Variants in BRD4 observed in about 807,000 individuals in gnomAD.
The protein encoded by BRD4 is bromodomain-containing protein 4.
In BRD4, 16 loss-of-function variants were observed where a neutral mutation model predicts 142.1. The ratio of observed to expected loss-of-function variants is 0.11; its 90% CI spans 0.08 to 0.17. BRD4 has a LOEUF of 0.17. BRD4 is among the 10% of genes least tolerant of loss of function. The pLI is 1.00. For synonymous variants in BRD4, 833 were observed against 707.5 expected, an observed-to-expected ratio of 1.18 and a Z score of -2.82; for missense variants, 1,424 against 1,810.9, an observed-to-expected ratio of 0.79 and a Z score of 3.88.
At chr19:15,269,661 T>C (rs1201892807) in intron 2 of BRD4, among the ~76,000 whole-genome samples, 4 of 152,332 alleles carry the variant, frequency 2.6e-5, no homozygotes, top group African/African-American at 9.6e-5. Context: ...TACTGCTGAC[T>C]GACCAGGTTA....
At chr19:15,312,923 G>A (rs527978120) in intron 1 of BRD4, among the ~76,000 whole-genome samples, 55 of 151,886 alleles carry the variant, frequency 3.6e-4, no homozygotes, top group Non-Finnish European at 6.0e-4. Context: ...GTGACAGAGC[G>A]AGACTCTCAA....
chr19:15,298,849 A>C (rs1456980332), intron 1 of BRD4, among the ~76,000 whole-genome samples: 1 of 152,128 alleles, frequency 6.6e-6, no homozygotes, highest in Non-Finnish European at 1.5e-5. Context: ...TAAGACCCAA[A>C]GAAAGAAAAC....
At chr19:15,320,650 C>T (rs1176226029) in intron 1 of BRD4, among the ~76,000 whole-genome samples, 2 of 152,210 alleles carry the variant, frequency 1.3e-5, no homozygotes, top group Non-Finnish European at 2.9e-5. Flanking sequence ...GGGCTGTTTT[C>T]CCGCCAAACT....
At chr19:15,282,708 C>G (rs1422835567) in intron 1 of BRD4, among the ~76,000 whole-genome samples, 1 of 152,212 alleles carries the variant, frequency 6.6e-6, no homozygotes, top group Non-Finnish European at 1.5e-5. Context: ...TCCTTTAAAG[C>G]CATTTCCCCA....
At position 15,327,618 on chromosome 19, in the gene BRD4, AAAC is replaced by A. The variant is rs879509683; in HGVS notation, c.-35+4669_-35+4671del. ...ACTATTCACAATTGCCAAAAAGTGA[AAAC>A]AACCCAAATGTTCACCACTAATGAA... On this transcript the variant is annotated intron_variant, in intron 1 of 19. Transcript: ENST00000679869. 3.7e-3 allele frequency among the ~76,000 whole-genome samples: 571 copies of A among 152,322 alleles called. 4 individuals are homozygous for A. Among genetic ancestry groups the A allele is most frequent in the African/African-American group, 0.013 (538 of 41,558 alleles).
chr19:15,310,380 C>CCCCCCCCCCCA (rs1215996476), intron 1 of BRD4, among the ~76,000 whole-genome samples: 1 of 26,814 alleles, frequency 3.7e-5, no homozygotes, highest in African/African-American at 1.2e-4. Flanking sequence ...CCCCCCCCCC[C>CCCCCCCCCCCA]GAAGGAGTCT....
At chr19:15,330,106 C>G (rs1020204185) in intron 1 of BRD4, among the ~76,000 whole-genome samples, 1 of 152,204 alleles carries the variant, frequency 6.6e-6, no homozygotes, top group Non-Finnish European at 1.5e-5. Context: ...CATCCGTAGG[C>G]AAAGTTCCTT....
chr19:15,280,340 A>G, intron 1 of BRD4: 2 of 1,014,568 alleles, frequency 2.0e-6, no homozygotes, highest in Non-Finnish European at 2.4e-6. Flanking sequence ...CAGCAGCACC[A>G]CACTTTGCTG....
At chr19:15,253,209 T>A (rs189682346) in intron 11 of BRD4, 9 of 367,854 alleles carry the variant, frequency 2.4e-5, no homozygotes, top group Non-Finnish European at 4.5e-5. Flanking sequence ...CCGTTGGCCG[T>A]AAACACAGGA....
At position 15,265,469 on chromosome 19, in the gene BRD4, T is replaced by C; in HGVS notation, c.734A>G (p.Gln245Arg). 1 of 1,597,328 alleles carries C rather than the reference T, an allele frequency of 6.3e-7. No individual in the cohort carries two copies. The highest frequency in any genetic ancestry group is 8.5e-7 in the Non-Finnish European group (1 of 1,170,878). Residue 245 changes from glutamine (Q) to arginine (R), a missense_variant, in exon 5 of 20, where the codon CAG becomes CGG. Physicochemically the swap from Gln to Arg is conservative, Grantham distance 43 (BLOSUM62 1). Coordinates refer to ENST00000679869, the MANE Select transcript of BRD4 (RefSeq NM_001379291.1). ...CACTGGCGGGGGCGTCTGCAGTGGC[T>C]GGGGAGGCACCACTGTCATGACAGG... The part of the protein sequence containing the change: ...QTPVMTVVPP[Q>R]PLQTPPPVPP...
chr19:15,276,335 C>T (rs566312525), intron 1 of BRD4, among the ~76,000 whole-genome samples: 11 of 152,224 alleles, frequency 7.2e-5, no homozygotes, highest in Non-Finnish European at 1.3e-4. Context: ...AGGTCAGCCT[C>T]CTTGGGCGAA....
chr19:15,242,441 G>C (rs1185364109), intron 14 of BRD4, among the ~76,000 whole-genome samples: 1 of 152,194 alleles, frequency 6.6e-6, no homozygotes, highest in Non-Finnish European at 1.5e-5. Context: ...TCCTGGGCGG[G>C]CTCTGAGCTG....
At chr19:15,278,944 C>A (rs767928617) in intron 1 of BRD4, among the ~76,000 whole-genome samples, 16 of 152,128 alleles carry the variant, frequency 1.1e-4, no homozygotes, top group Admixed American at 2.6e-4. Flanking sequence ...CAGGTTCCAG[C>A]AATTCTCCGG....
At chr19:15,273,367 A>T (rs1226434452) in intron 1 of BRD4, among the ~76,000 whole-genome samples, 1 of 152,192 alleles carries the variant, frequency 6.6e-6, no homozygotes, top group Non-Finnish European at 1.5e-5. Flanking sequence ...AGGCAGAGTG[A>T]GGTGGTGAGA....
At chr19:15,305,146 G>C (rs2047903404) in intron 1 of BRD4, among the ~76,000 whole-genome samples, 1 of 151,146 alleles carries the variant, frequency 6.6e-6, no homozygotes, top group Admixed American at 6.6e-5. Flanking sequence ...AGCCTCCCGA[G>C]TAGCTGGGAT....
intron 1 of BRD4, among the ~76,000 whole-genome samples, chr19:15,314,781 C>T (rs1201878531): frequency 6.6e-6 from 1 of 152,204 alleles, no homozygotes; most frequent in Non-Finnish European, 1.5e-5. Context: ...GGCTGGATAA[C>T]CCAGCTGCAG....
intron 1 of BRD4, among the ~76,000 whole-genome samples, chr19:15,278,059 T>G (rs372144462): frequency 8.7e-6 from 1 of 114,590 alleles, no homozygotes; most frequent in Non-Finnish European, 1.6e-5. Context: ...TGAGCCAAGA[T>G]AGCACAACTG....
intron 1 of BRD4, among the ~76,000 whole-genome samples, chr19:15,287,719 G>A (rs772234743): frequency 1.3e-4 from 19 of 151,832 alleles, no homozygotes; most frequent in Admixed American, 9.2e-4. Context: ...TGTGGTTGTC[G>A]TATTTCACTT....
chr19:15,310,656 G>A (rs926240390), intron 1 of BRD4, among the ~76,000 whole-genome samples: 1 of 151,796 alleles, frequency 6.6e-6, no homozygotes, highest in African/African-American at 2.4e-5. Context: ...ACCGCGCCTG[G>A]CCAATTTTTA....
Sources: allele counts gnomAD v4.1 joint callset (sites outside exome capture counted in the v4.1 genomes callset), GRCh38; gene constraint gnomAD v4.1.1; transcripts MANE v1.5; gene names NCBI Gene and HGNC (gene_info 2026-07-23, HGNC 2026-07-21).